The following MCF2L2 variants were observed in gnomAD, a reference collection of about 807,000 sequenced individuals.
The protein encoded by MCF2L2 is probable guanine nucleotide exchange factor MCF2L2.
In MCF2L2, 102 loss-of-function variants were observed where a neutral mutation model predicts 150.2. That is an observed-to-expected ratio of 0.68 (90% confidence interval 0.58 to 0.80). MCF2L2 has a LOEUF of 0.80. Ranked by LOEUF, MCF2L2 falls within the 30% of genes least tolerant of loss-of-function variation. The pLI, the probability that MCF2L2 is intolerant of heterozygous loss-of-function variation, is 0.00. For missense variants in MCF2L2, 1,256 were observed against 1,372.8 expected, an observed-to-expected ratio of 0.91 and a Z score of 1.34; for synonymous variants, 465 against 491.3, an observed-to-expected ratio of 0.95 and a Z score of 0.71.
chr3:183,227,648 T>G lies in MCF2L2; in HGVS notation c.2115+649A>C, dbSNP rs750583049. On this transcript the variant is annotated intron_variant, in intron 18 of 29. Transcript: ENST00000328913. The surrounding 1 kb of genome is among the most constrained non-coding windows in gnomAD (Gnocchi z 4.0). ...AGAGGATCCTCTGCTTTGGGGACCA[T>G]GGATGGCCAGCCTTCCATTTCATGG... is the stretch of plus-strand genomic sequence containing the variant. The G allele has an allele frequency of 6.6e-6, 1 of 152,136 alleles. No individual in the cohort carries two copies. The highest frequency in any genetic ancestry group is 2.4e-5 in the African/African-American group (1 of 41,434). 9.4% of individuals were successfully genotyped at this position (152,136 alleles called of 1,614,324 possible).
At chr3:183,212,067 T>C (rs1722742082) in intron 22 of MCF2L2, among the ~76,000 whole-genome samples, 1 of 152,086 alleles carries the variant, frequency 6.6e-6, no homozygotes, top group African/African-American at 2.4e-5. Context: ...GGAACAGCCA[T>C]GCAAAGGCAG....
At chr3:183,249,571 G>T (rs1264869588) in intron 15 of MCF2L2, among the ~76,000 whole-genome samples, 1 of 152,226 alleles carries the variant, frequency 6.6e-6, no homozygotes, top group Non-Finnish European at 1.5e-5. Flanking sequence ...TGGCCTGCGG[G>T]TGAGTGCCGC....
chr3:183,388,843 G>A (rs1240692165), intron 2 of MCF2L2, among the ~76,000 whole-genome samples: 1 of 152,064 alleles, frequency 6.6e-6, no homozygotes, highest in Non-Finnish European at 1.5e-5. Flanking sequence ...AATGTGATTT[G>A]GAGAAAAGAA....
At chr3:183,409,188 G>A (rs914745363) in intron 1 of MCF2L2, among the ~76,000 whole-genome samples, 1 of 152,194 alleles carries the variant, frequency 6.6e-6, no homozygotes, top group African/African-American at 2.4e-5. Flanking sequence ...AACTTTTCGA[G>A]TGGCTCATAA....
chr3:183,263,277 G>A (rs1001527868), intron 15 of MCF2L2, among the ~76,000 whole-genome samples: 1 of 152,066 alleles, frequency 6.6e-6, no homozygotes, highest in Non-Finnish European at 1.5e-5. Context: ...TGAATAAAAT[G>A]CAGAAATACA....
At chr3:183,324,399 T>C (rs570435877) in intron 5 of MCF2L2, among the ~76,000 whole-genome samples, 26 of 152,346 alleles carry the variant, frequency 1.7e-4, no homozygotes, top group African/African-American at 5.8e-4. Flanking sequence ...CAAGGACTCC[T>C]CACTCCTATC....
chr3:183,294,599 ATGTGTGTGTG>A (rs766214507), intron 13 of MCF2L2, among the ~76,000 whole-genome samples: 1 of 132,282 alleles, frequency 7.6e-6, no homozygotes, highest in African/African-American at 2.8e-5. Flanking sequence ...ATATATGTGT[ATGTGTGTGTG>A]TGTGTGTATA....
At chr3:183,224,730 G>T (rs1004755632) in intron 18 of MCF2L2, 4 of 152,536 alleles carry the variant, frequency 2.6e-5, no homozygotes, top group African/African-American at 9.7e-5. Flanking sequence ...CAGTCATTTG[G>T]GCAACCCTCA....
intron 26 of MCF2L2, 121 bp downstream of exon 26, chr3:183,195,101 G>A (rs1270887647): frequency 1.2e-6 from 1 of 866,144 alleles, no homozygotes; most frequent in Non-Finnish European, 1.8e-6. Flanking sequence ...TTAAAAATTG[G>A]AAATCCCTTG....
chr3:183,239,581 C>G (rs1346826992), intron 15 of MCF2L2, among the ~76,000 whole-genome samples: 1 of 152,054 alleles, frequency 6.6e-6, no homozygotes. Flanking sequence ...CTGTCACCCC[C>G]CCTTCCCCGC....
intron 1 of MCF2L2, among the ~76,000 whole-genome samples, chr3:183,424,346 C>T (rs1716052769): frequency 6.6e-6 from 1 of 152,166 alleles, no homozygotes; most frequent in African/African-American, 2.4e-5. Flanking sequence ...ATGAGGAACA[C>T]ATGAAGGGCT....
chr3:183,238,552 C>CA (rs767752388), intron 15 of MCF2L2, among the ~76,000 whole-genome samples: 17 of 151,754 alleles, frequency 1.1e-4, no homozygotes, highest in Non-Finnish European at 2.2e-4. Flanking sequence ...CTTGGTCTCC[C>CA]AAAGTGCTGG....
At position 183,338,783 on chromosome 3, in the gene MCF2L2, T is replaced by TGAAAA. The variant is rs757318556; in HGVS notation, c.486+16_486+17insTTTTC. On this transcript the variant is annotated intron_variant, in intron 5 of 29. Coordinates refer to ENST00000328913, the MANE Select transcript of MCF2L2 (RefSeq NM_015078.4). ...GAAGCCCTAACCAAATGAGACAAGATGAAAGGTCTTGCTTACCGGCACTTT... is the reference window on the plus strand; with the variant it reads ...GAAGCCCTAACCAAATGAGACAAGATGAAAAGAAAGGTCTTGCTTACCGGCACTTT... 2 of 1,591,052 alleles carry TGAAAA rather than the reference T, an allele frequency of 1.3e-6. No individual in the cohort carries two copies. Among genetic ancestry groups the TGAAAA allele is most frequent in the Non-Finnish European group, 1.7e-6 (2 of 1,164,396 alleles).
intron 15 of MCF2L2, among the ~76,000 whole-genome samples, chr3:183,256,910 G>A (rs1258979017): frequency 6.6e-6 from 1 of 152,202 alleles, no homozygotes; most frequent in East Asian, 1.9e-4. Context: ...CAGTCAATTA[G>A]GGATGATACT....
intron 23 of MCF2L2, among the ~76,000 whole-genome samples, chr3:183,206,752 T>C (rs753970828): frequency 2.0e-4 from 31 of 152,024 alleles, no homozygotes; most frequent in Non-Finnish European, 4.0e-4. Context: ...GTGCCTGTAA[T>C]CCCAGCTACC....
intron 15 of MCF2L2, among the ~76,000 whole-genome samples, chr3:183,256,383 T>C (rs1725046062): frequency 6.6e-6 from 1 of 152,190 alleles, no homozygotes; most frequent in Non-Finnish European, 1.5e-5. Context: ...TACATATATA[T>C]AGGGGATGTA....
chr3:183,338,041 T>A (rs995574635), intron 5 of MCF2L2, among the ~76,000 whole-genome samples: 3 of 152,184 alleles, frequency 2.0e-5, no homozygotes, highest in African/African-American at 7.2e-5. Context: ...CACCCCTATA[T>A]TTTAGATCCG....
In MCF2L2 at chr3:183,181,145, G is replaced by A. The variant is rs1160335737; in HGVS notation, c.3017-986C>T. Among the ~76,000 whole-genome samples, 1 of 152,362 alleles carries A rather than the reference G, an allele frequency of 6.6e-6. No individual in the cohort carries two copies. The highest frequency in any genetic ancestry group is 1.5e-5 in the Non-Finnish European group (1 of 68,028). On this transcript the variant is annotated intron_variant, in intron 27 of 29. Coordinates refer to ENST00000328913, the MANE Select transcript of MCF2L2 (RefSeq NM_015078.4). The surrounding 1 kb of genome is among the most constrained non-coding windows in gnomAD (Gnocchi z 4.3). ...GGACTGGAGAGGGAGGGCATTCTGG[G>A]CAGAGGCATGGCCAGAGGGCGGTAG...
chr3:183,329,076 G>C (rs1273745351), intron 5 of MCF2L2, among the ~76,000 whole-genome samples: 3 of 152,194 alleles, frequency 2.0e-5, no homozygotes, highest in Non-Finnish European at 4.4e-5. Context: ...ATACATTGCT[G>C]GTGGGAATGC....
Sources: allele counts gnomAD v4.1 joint callset (sites outside exome capture counted in the v4.1 genomes callset), GRCh38; gene constraint gnomAD v4.1.1; non-coding constraint Gnocchi (gnomAD v3.1); transcripts MANE v1.5; gene names NCBI Gene and HGNC (gene_info 2026-07-23, HGNC 2026-07-21).